The following EMID1 variants were observed in gnomAD, a reference collection of about 807,000 sequenced individuals.
EMID1 encodes EMI domain containing 1.
Under a neutral mutation model 60.6 loss-of-function variants are expected in EMID1, and 40 were observed. The observed-to-expected ratio is 0.66, with a 90% CI of 0.51 to 0.86. The LOEUF is 0.86. Among genes scored for constraint, EMID1 ranks in the 40% least tolerant of loss-of-function variants. EMID1 has a pLI of 0.00. For synonymous variants in EMID1, 242 were observed against 231.0 expected, an observed-to-expected ratio of 1.05 and a Z score of -0.43; for missense variants, 585 against 597.1, an observed-to-expected ratio of 0.98 and a Z score of 0.21.
At chr22:29,258,774 T>C (rs761042581) in intron 14 of EMID1, 43 bp from the exon 15 acceptor site, 6 of 1,609,156 alleles carry the variant, frequency 3.7e-6, no homozygotes, top group Admixed American at 3.4e-5. Flanking sequence ...GCACCTCACA[T>C]GAACCCCTCT....
chr22:29,258,425 C>G (rs1428037544), intron 14 of EMID1, among the ~76,000 whole-genome samples: 1 of 152,216 alleles, frequency 6.6e-6, no homozygotes, highest in Non-Finnish European at 1.5e-5. Context: ...TAGCCCATGT[C>G]TGTTCCCTGG....
At position 29,234,285 on chromosome 22, in the gene EMID1, G is replaced by A. The variant is rs570914798; in HGVS notation, c.1030-20G>A. ...GAGTCCTCAACAGCTGACGCCATTC[G>A]TCTCCTCCCTCTTACACAGGGACTG... On this transcript the variant is annotated intron_variant, in intron 11 of 14. Transcript: ENST00000334018. 64 of 1,613,796 alleles carry A rather than the reference G, an allele frequency of 4.0e-5. No individual in the cohort carries two copies. The highest frequency in any genetic ancestry group is 4.8e-5 in the Non-Finnish European group (57 of 1,179,800).
rs1915735504 is a variant in EMID1 at position 29,232,327 on chromosome 22, G to C, written c.748G>C (p.Gly250Arg). The change falls in exon 8 of 15, where the codon GGG (glycine) becomes CGG (arginine). Residue 250 changes from glycine to arginine, a missense_variant. Coordinates refer to ENST00000334018, the MANE Select transcript of EMID1 (RefSeq NM_133455.4). Reference sequence around the variant, plus strand: ...CACCCCTGGAGAGAGGGGACCTCCTGGGCCACCAGGGCCTCCTGGCCCCCC... The same window carrying C: ...CACCCCTGGAGAGAGGGGACCTCCTCGGCCACCAGGGCCTCCTGGCCCCCC... ...VGTPGERGPP[G>R]PPGPPGPPGP... is the part of the protein sequence containing the mutation. The C allele has an allele frequency of 6.2e-7, 1 of 1,609,718 alleles. No homozygotes were observed. The highest frequency in any genetic ancestry group is 1.1e-5 in the South Asian group (1 of 90,924).
intron 13 of EMID1, among the ~76,000 whole-genome samples, chr22:29,252,615 A>T (rs5763110): frequency 0.13 from 19,581 of 152,146 alleles, 1,422 homozygotes; most frequent in East Asian, 0.22. Context: ...GAAAGGATGC[A>T]GATGGGGAGA....
At chr22:29,217,913 C>T (rs1016400943) in intron 3 of EMID1, among the ~76,000 whole-genome samples, 6 of 152,174 alleles carry the variant, frequency 3.9e-5, no homozygotes, top group South Asian at 4.1e-4. Flanking sequence ...TCTTGACCCT[C>T]GAGCCATAGA....
intron 6 of EMID1, 144 bp from the exon 7 acceptor site, chr22:29,231,449 C>A (rs1237604012): frequency 8.7e-6 from 8 of 921,608 alleles, no homozygotes; most frequent in African/African-American, 1.7e-5. Context: ...CCTACCCCCC[C>A]CACCCCAGGG....
intron 1 of EMID1, among the ~76,000 whole-genome samples, chr22:29,207,965 C>T (rs2039737679): frequency 6.6e-6 from 1 of 152,220 alleles, no homozygotes; most frequent in African/African-American, 2.4e-5. Flanking sequence ...CTCTTACAGG[C>T]TTGATGTGTG....
At chr22:29,210,216 G>C (rs981575158) in intron 1 of EMID1, among the ~76,000 whole-genome samples, 2 of 151,668 alleles carry the variant, frequency 1.3e-5, no homozygotes, top group African/African-American at 2.4e-5. Flanking sequence ...GCACAGTCCA[G>C]ATTATGGCAA....
At chr22:29,206,633 C>T (rs1030822742) in intron 1 of EMID1, among the ~76,000 whole-genome samples, 2 of 152,142 alleles carry the variant, frequency 1.3e-5, no homozygotes, top group African/African-American at 4.8e-5. Flanking sequence ...GTCGGAGATA[C>T]CCCAGGGACC....
At chr22:29,240,404 G>C (rs990524681) in intron 12 of EMID1, among the ~76,000 whole-genome samples, 1 of 152,050 alleles carries the variant, frequency 6.6e-6, no homozygotes, top group South Asian at 2.1e-4. Flanking sequence ...AAGAGTCTTG[G>C]AACATGTCTG....
rs558052942 is a variant in EMID1, at chr22:29,224,297, C to T, written c.320-836C>T. Among the ~76,000 whole-genome samples, 1,220 of 152,342 alleles carry T rather than the reference C, an allele frequency of 8.0e-3. 7 individuals are homozygous for T. The highest frequency in any genetic ancestry group is 0.012 in the Non-Finnish European group (847 of 68,026). Reference sequence around the variant, plus strand: ...TCTTGTCTCCTCCCAGACAACATTTCGTGGCCTTAAAAGGAAGGCCTGGGG... The same window carrying T: ...TCTTGTCTCCTCCCAGACAACATTTTGTGGCCTTAAAAGGAAGGCCTGGGG... On this transcript the variant is annotated intron_variant, in intron 3 of 14. Coordinates refer to ENST00000334018, the MANE Select transcript of EMID1 (RefSeq NM_133455.4).
chr22:29,256,301 C>T (rs966565870), intron 14 of EMID1, among the ~76,000 whole-genome samples: 6 of 151,748 alleles, frequency 4.0e-5, no homozygotes, highest in Non-Finnish European at 7.4e-5. Flanking sequence ...GGCGAAACCC[C>T]GTCTCTACTA....
At chr22:29,258,769 T>C (rs2041801169) in intron 14 of EMID1, 48 bp from the exon 15 acceptor site, 1 of 1,604,358 alleles carries the variant, frequency 6.2e-7, no homozygotes, top group Non-Finnish European at 8.5e-7. Context: ...GGTGGGCACC[T>C]CACATGAACC....
chr22:29,217,452 G>T (rs7284245), intron 3 of EMID1, among the ~76,000 whole-genome samples: 21,852 of 152,272 alleles, frequency 0.14, 2,479 homozygotes, highest in African/African-American at 0.31. Context: ...CCTTGGGCCG[G>T]GGACTTCCCG....
At chr22:29,212,586 C>T (rs560425912) in intron 1 of EMID1, among the ~76,000 whole-genome samples, 21 of 148,430 alleles carry the variant, frequency 1.4e-4, no homozygotes, top group Admixed American at 2.7e-4. Context: ...TTTTTTGATA[C>T]GGAGTCTCAC....
chr22:29,228,328 G>GAA (rs900749938), intron 5 of EMID1, among the ~76,000 whole-genome samples: 1 of 145,790 alleles, frequency 6.9e-6, no homozygotes, highest in African/African-American at 2.5e-5. Context: ...TCCGTCTCAA[G>GAA]AAAAAAAAAA....
intron 12 of EMID1, among the ~76,000 whole-genome samples, chr22:29,235,176 C>T (rs552445464): frequency 1.3e-5 from 2 of 152,008 alleles, no homozygotes; most frequent in African/African-American, 4.8e-5. Context: ...GGTGAAACCC[C>T]GTCTCTACTA....
chr22:29,227,351 A>G (rs985144041), intron 5 of EMID1, among the ~76,000 whole-genome samples: 2 of 151,918 alleles, frequency 1.3e-5, no homozygotes, highest in African/African-American at 4.8e-5. Context: ...TGGCCTCCCA[A>G]AGTGCTGGGA....
intron 14 of EMID1, among the ~76,000 whole-genome samples, chr22:29,258,612 C>T (rs2041791928): frequency 1.3e-5 from 2 of 152,214 alleles, no homozygotes; most frequent in Admixed American, 1.3e-4. Context: ...TGAGTGCTCT[C>T]CTTGGGCTGG....
Sources: gnomAD v4.1 joint callset for allele counts (sites outside exome capture counted in the v4.1 genomes callset) on GRCh38, gnomAD v4.1.1 for gene constraint, MANE v1.5 for transcripts, NCBI Gene and HGNC (gene_info 2026-07-23, HGNC 2026-07-21) for gene names.